Variants in HDHD5 observed in about 807,000 individuals in gnomAD.
HDHD5 encodes the protein haloacid dehalogenase-like hydrolase domain-containing 5.
In HDHD5, 34 loss-of-function variants were observed where a neutral mutation model predicts 35.5. The ratio of observed to expected loss-of-function variants is 0.96; its 90% CI spans 0.73 to 1.28. The LOEUF (loss-of-function observed/expected upper bound fraction) is 1.28, where lower values mean the gene tolerates loss of function less well. Ranked by LOEUF, HDHD5 falls within the 50% of genes most tolerant of loss-of-function variation. The pLI, the probability that HDHD5 is intolerant of heterozygous loss-of-function variation, is 0.00. For missense variants in HDHD5, 589 were observed against 560.2 expected, an observed-to-expected ratio of 1.05 and a Z score of -0.52; for synonymous variants, 248 against 240.6, an observed-to-expected ratio of 1.03 and a Z score of -0.29.
At chr22:17,148,696 C>T in intron 2 of HDHD5, 136 bp from the exon 3 acceptor site, 1 of 671,512 alleles carries the variant, frequency 1.5e-6, no homozygotes, top group Non-Finnish European at 2.6e-6. Flanking sequence ...AAAGCCCTTT[C>T]TAGCACCCAG....
At chr22:17,157,804 G>A (rs547950933) in intron 1 of HDHD5, among the ~76,000 whole-genome samples, 3 of 152,244 alleles carry the variant, frequency 2.0e-5, no homozygotes, top group South Asian at 4.1e-4. Flanking sequence ...CAGCTGTTAA[G>A]AGCTTAGACT....
chr22:17,164,221 A>AG (rs1210848788), upstream of HDHD5, among the ~76,000 whole-genome samples: 3 of 82,574 alleles, frequency 3.6e-5, no homozygotes, highest in African/African-American at 1.6e-4. Context: ...ACTCCATCTC[A>AG]GAAAAAAAAA....
At chr22:17,158,538 A>AC (rs2061827359) in intron 1 of HDHD5, 2 of 152,240 alleles carry the variant, frequency 1.3e-5, no homozygotes, top group South Asian at 4.1e-4. Context: ...CGGCTTCCTG[A>AC]CCACACAAGG....
chr22:17,154,616 CT>C (rs56885882), intron 1 of HDHD5, among the ~76,000 whole-genome samples: 91,730 of 126,102 alleles, frequency 0.73, 32,048 homozygotes, highest in Middle Eastern at 0.8. Flanking sequence ...TCCTTATTTT[CT>C]TTTTTTTTTT....
At chr22:17,160,649 G>GAA (rs56071352), upstream of HDHD5, among the ~76,000 whole-genome samples, 4 of 144,420 alleles carry the variant, frequency 2.8e-5, no homozygotes, top group Admixed American at 6.9e-5. Context: ...ACTCCGTCTT[G>GAA]AAAAAAAAAA....
At chr22:17,159,402 GA>G, upstream of HDHD5, 1 of 865,702 alleles carries the variant, frequency 1.2e-6, no homozygotes, top group Non-Finnish European at 1.7e-6. Flanking sequence ...TATGGAACTC[GA>G]CCCGCAGGCC....
At chr22:17,158,068 C>T (rs1252092950) in intron 1 of HDHD5, among the ~76,000 whole-genome samples, 6 of 152,200 alleles carry the variant, frequency 3.9e-5, no homozygotes, top group Non-Finnish European at 8.8e-5. Context: ...TGCCTGTAAT[C>T]TCACCACTCT....
At chr22:17,155,298 T>C (rs1442286360) in intron 1 of HDHD5, among the ~76,000 whole-genome samples, 1 of 149,280 alleles carries the variant, frequency 6.7e-6, no homozygotes, top group East Asian at 2.0e-4. Flanking sequence ...CAGGCTGGAG[T>C]GCAGTGGTGC....
At chr22:17,163,989 G>A (rs1260571747), upstream of HDHD5, among the ~76,000 whole-genome samples, 1 of 152,204 alleles carries the variant, frequency 6.6e-6, no homozygotes, top group African/African-American at 2.4e-5. Context: ...GGGAGGTGGA[G>A]GCGGGCAGAT....
At chr22:17,145,429 T>C (rs1315839600) in intron 3 of HDHD5, among the ~76,000 whole-genome samples, 4 of 152,112 alleles carry the variant, frequency 2.6e-5, no homozygotes, top group Non-Finnish European at 4.4e-5. Context: ...CCCAGCTGGG[T>C]GCAGTGGCTC....
chr22:17,161,683 C>T (rs73383935), upstream of HDHD5, among the ~76,000 whole-genome samples: 6 of 151,480 alleles, frequency 4.0e-5, no homozygotes, highest in South Asian at 2.1e-4. Flanking sequence ...GCCTGGGCAA[C>T]GTGACAAAAC....
chr22:17,159,331 T>C (rs1487528605), upstream of HDHD5: 3 of 1,144,924 alleles, frequency 2.6e-6, no homozygotes, highest in Admixed American at 4.3e-5. Context: ...CAATCAGCGG[T>C]CGGCGCGCGC....
chr22:17,165,076 A>G (rs1370621982), intron 1 of HDHD5: 2 of 682,280 alleles, frequency 2.9e-6, no homozygotes, highest in African/African-American at 1.8e-5. Flanking sequence ...GCTGAGGGAG[A>G]ATTCTGAGAA....
chr22:17,139,830 G>T (rs527667928), intron 6 of HDHD5, among the ~76,000 whole-genome samples: 1 of 152,298 alleles, frequency 6.6e-6, no homozygotes, highest in East Asian at 1.9e-4. Flanking sequence ...TCGGCCTCCC[G>T]AAGTGTTGGG....
At chr22:17,144,412 GCTT>G (rs2061634507) in intron 4 of HDHD5, among the ~76,000 whole-genome samples, 1 of 146,616 alleles carries the variant, frequency 6.8e-6, no homozygotes, top group Non-Finnish European at 1.5e-5. Context: ...ACCATATGTG[GCTT>G]TTTTTTTTTT....
At chr22:17,154,791 A>ATTTTT (rs57909191) in intron 1 of HDHD5, among the ~76,000 whole-genome samples, 1 of 143,776 alleles carries the variant, frequency 7.0e-6, no homozygotes, top group Non-Finnish European at 1.5e-5. Context: ...TGCCTGGCTA[A>ATTTTT]TTTTTTTTTT....
upstream of HDHD5, among the ~76,000 whole-genome samples, chr22:17,160,806 G>A (rs565784879): frequency 7.2e-5 from 11 of 152,226 alleles, no homozygotes; most frequent in South Asian, 1.9e-3. Flanking sequence ...ACAATAGCCC[G>A]ACACTTAAAC....
At chr22:17,154,022 AT>A (rs2061757235) in intron 1 of HDHD5, among the ~76,000 whole-genome samples, 1 of 151,646 alleles carries the variant, frequency 6.6e-6, no homozygotes, top group African/African-American at 2.4e-5. Context: ...AACCCACCTA[AT>A]TTTTGTATTT....
intron 1 of HDHD5, among the ~76,000 whole-genome samples, chr22:17,153,218 T>C (rs1024352458): frequency 6.6e-6 from 1 of 152,182 alleles, no homozygotes; most frequent in African/African-American, 2.4e-5. Flanking sequence ...CATCTCCAAA[T>C]GGCCTTGCCT....
Sources: gnomAD v4.1 joint callset for allele counts (sites outside exome capture counted in the v4.1 genomes callset) on GRCh38, gnomAD v4.1.1 for gene constraint, MANE v1.5 for transcripts, NCBI Gene and HGNC (gene_info 2026-07-23, HGNC 2026-07-21) for gene names.